Variants in PER2 observed in about 807,000 individuals in gnomAD.
The protein encoded by PER2 is period circadian regulator 2, also known as period circadian protein homolog 2.
In PER2, 66 loss-of-function variants were observed where a neutral mutation model predicts 121.0. That is an observed-to-expected ratio of 0.55 (90% confidence interval 0.45 to 0.67). The LOEUF is 0.67. PER2 is among the 30% of genes least tolerant of loss of function. The probability of loss-of-function intolerance (pLI) is 0.00; values close to 1 mark genes in which losing one functional copy is unlikely to be tolerated. For synonymous variants in PER2, 684 were observed against 659.9 expected (o/e 1.04, Z -0.56); for missense variants, 1,521 against 1,635.0 (o/e 0.93, Z 1.20).
chr2:238,269,659 T>C (rs1317198799), intron 6 of PER2, among the ~76,000 whole-genome samples: 2 of 143,010 alleles, frequency 1.4e-5, no homozygotes, highest in African/African-American at 5.3e-5. Context: ...AACCTACAAC[T>C]GAACACACGG....
intron 22 of PER2, chr2:238,248,849 G>T: frequency 1.7e-6 from 1 of 573,156 alleles, no homozygotes; most frequent in Non-Finnish European, 3.3e-6. Context: ...TAGAGACGGG[G>T]TTTCACCGTG....
Position 238,254,200 on chromosome 2 carries a change from C to A in PER2, c.2321-498G>T, listed in dbSNP as rs532605200. On this transcript the variant is annotated intron_variant, in intron 18 of 22. Transcript: ENST00000254657. ...ACCTGTCAAACAGCCTGAGCAAGAT[C>A]AGAGGGGAGCATTGCCTTGCAACCA... 2.8e-4 allele frequency: 52 copies of A among 188,898 alleles called. No homozygotes were observed. In the South Asian group the frequency reaches 5.0e-3, roughly 18 times the overall value. The allele number at this position is 188,898 out of a possible 1,614,324, so 11.7% of individuals were successfully genotyped here.
chr2:238,290,280 A>G (rs1185427131), upstream of PER2, among the ~76,000 whole-genome samples: 2 of 151,326 alleles, frequency 1.3e-5, no homozygotes, highest in Admixed American at 6.6e-5. Flanking sequence ...ACCTCGACAC[A>G]CTCCCCGCCC....
chr2:238,282,928 C>T (rs1389757313), intron 1 of PER2, among the ~76,000 whole-genome samples: 4 of 152,124 alleles, frequency 2.6e-5, no homozygotes, highest in East Asian at 1.9e-4. Context: ...CCCTGGGCTT[C>T]GCTCTCTCAG....
chr2:238,258,552 T>C lies in PER2; in HGVS notation c.1720A>G (p.Lys574Glu). ...GVSFPEELAC[K>E]NQPTCSYQQI... is the part of the protein sequence containing the mutation. ...TGGTAGGAGCAGGTGGGCTGGTTCTTGCAGGCCAACTCCTCGGGGAAGCTG... is the reference window on the plus strand; with the variant it reads ...TGGTAGGAGCAGGTGGGCTGGTTCTCGCAGGCCAACTCCTCGGGGAAGCTG... Residue 574 changes from lysine to glutamate, a missense_variant, in exon 15 of 23, where the codon AAG becomes GAG. Transcript: ENST00000254657. 6.2e-7 allele frequency: 1 copy of C among 1,614,180 alleles called. No individual in the cohort carries two copies. Among genetic ancestry groups the C allele is most frequent in the Non-Finnish European group, 8.5e-7 (1 of 1,180,012 alleles).
chr2:238,257,238 G>A, intron 16 of PER2, 152 bp from the exon 17 acceptor site: 2 of 644,542 alleles, frequency 3.1e-6, no homozygotes, highest in Non-Finnish European at 5.3e-6. Flanking sequence ...CCCAGGCATG[G>A]GGTGATTTGT....
chr2:238,262,711 C>T (rs1325463382), intron 10 of PER2, among the ~76,000 whole-genome samples: 5 of 152,112 alleles, frequency 3.3e-5, no homozygotes, highest in Non-Finnish European at 7.4e-5. Flanking sequence ...TAAGATGCTA[C>T]GGACTCAGGC....
At chr2:238,283,883 G>A (rs1696703507) in intron 1 of PER2, among the ~76,000 whole-genome samples, 1 of 152,170 alleles carries the variant, frequency 6.6e-6, no homozygotes, top group African/African-American at 2.4e-5. Context: ...GGTCCTTTCT[G>A]CTCTGAGTGA....
At chr2:238,299,112 C>T in the PER2 span, 4 of 151,570 alleles carry the variant, frequency 2.6e-5, no homozygotes, top group African/African-American at 9.7e-5. Context: ...AATTAGCCAT[C>T]TCTACTAAAA....
upstream of PER2, among the ~76,000 whole-genome samples, chr2:238,290,456 C>G (rs1479188512): frequency 6.6e-6 from 1 of 152,134 alleles, no homozygotes; most frequent in African/African-American, 2.4e-5. Context: ...CACACCTTAC[C>G]GAGATTCTTC....
intron 22 of PER2, among the ~76,000 whole-genome samples, chr2:238,248,694 C>T (rs1200846200): frequency 1.4e-5 from 2 of 143,518 alleles, no homozygotes; most frequent in Non-Finnish European, 3.0e-5. Flanking sequence ...CTTGCTCTGT[C>T]GCTCAGGCTG....
chr2:238,272,154 G>A (rs190979211), intron 5 of PER2, among the ~76,000 whole-genome samples: 5 of 152,312 alleles, frequency 3.3e-5, no homozygotes, highest in African/African-American at 1.2e-4. Flanking sequence ...TACAGATACT[G>A]GGAGGTCCAG....
intron 13 of PER2, among the ~76,000 whole-genome samples, 198 bp from the exon 14 acceptor site, chr2:238,260,251 CACATT>C (rs996053972): frequency 2.0e-5 from 3 of 151,644 alleles, no homozygotes; most frequent in African/African-American, 7.3e-5. Context: ...AGCAAAACGG[CACATT>C]ACATTTTTTT....
intron 4 of PER2, among the ~76,000 whole-genome samples, chr2:238,273,436 T>C (rs948538931): frequency 6.6e-6 from 1 of 152,042 alleles, no homozygotes; most frequent in African/African-American, 2.4e-5. Context: ...AAGTGGCAAC[T>C]ACATTATTTA....
chr2:238,259,546 C>T (rs891986574), intron 14 of PER2, among the ~76,000 whole-genome samples: 1 of 152,206 alleles, frequency 6.6e-6, no homozygotes, highest in Non-Finnish European at 1.5e-5. Context: ...GGCAAACCGT[C>T]GGCAGTTGTG....
intron 8 of PER2, among the ~76,000 whole-genome samples, chr2:238,265,830 G>C (rs1184172475): frequency 6.6e-6 from 1 of 151,992 alleles, no homozygotes; most frequent in Non-Finnish European, 1.5e-5. Context: ...AATCGAAACT[G>C]CCGTGTTAAC....
Position 238,277,786 on chromosome 2 carries a change from G to T in PER2, c.151C>A (p.Arg51=), listed in dbSNP as rs199703220. ...HETNENCSTG[R]DSQGSDCDDS... ...TCACAGTCACTGCCCTGCGAGTCCCGCCCCGTGGAGCAGTTTTCGTTGGTC... is the reference window on the plus strand; with the variant it reads ...TCACAGTCACTGCCCTGCGAGTCCCTCCCCGTGGAGCAGTTTTCGTTGGTC... The change falls in exon 2 of 23, where the codon CGG becomes AGG. Residue 51 remains arginine (R), a synonymous_variant. Transcript: ENST00000254657. 8.1e-6 allele frequency: 13 copies of T among 1,614,072 alleles called. No individual in the cohort carries two copies. The highest frequency in any genetic ancestry group is 1.1e-5 in the Non-Finnish European group (13 of 1,179,992).
chr2:238,268,213 C>G lies in PER2; in HGVS notation c.825-15G>C. 1 of 1,613,384 alleles carries G rather than the reference C, an allele frequency of 6.2e-7. No homozygotes were observed. The highest frequency in any genetic ancestry group is 8.5e-7 in the Non-Finnish European group (1 of 1,179,852). On this transcript the variant is annotated splice_polypyrimidine_tract_variant and intron_variant, in intron 7 of 22. Coordinates refer to ENST00000254657, the MANE Select transcript of PER2 (RefSeq NM_022817.3). This position sits in a 1 kb window ranked among gnomAD's most constrained non-coding sequence, Gnocchi z 4.0. ...TTTTCCGGACACTGCGGAGAAGAGCCACGCTCTAAGTTGGGAACTGTGACA... is the reference window on the plus strand; with the variant it reads ...TTTTCCGGACACTGCGGAGAAGAGCGACGCTCTAAGTTGGGAACTGTGACA...
chr2:238,266,855 C>T (rs1696128818), intron 8 of PER2, among the ~76,000 whole-genome samples: 1 of 151,746 alleles, frequency 6.6e-6, no homozygotes, highest in Non-Finnish European at 1.5e-5. Flanking sequence ...CTGGGCAACA[C>T]AGTGAAACCC....
Sources: gnomAD v4.1 joint callset for allele counts (sites outside exome capture counted in the v4.1 genomes callset) on GRCh38, gnomAD v4.1.1 for gene constraint, Gnocchi (gnomAD v3.1) non-coding constraint, MANE v1.5 for transcripts, NCBI Gene and HGNC (gene_info 2026-07-23, HGNC 2026-07-21) for gene names.